The following CDCA2 variants were observed in gnomAD, a reference collection of about 807,000 sequenced individuals.
CDCA2 encodes the protein cell division cycle-associated protein 2.
A neutral mutation model predicts 67.0 loss-of-function variants in CDCA2; 44 were observed. That is an observed-to-expected ratio of 0.66 (90% CI 0.52 to 0.84). The LOEUF (loss-of-function observed/expected upper bound fraction) is 0.84. Among genes scored for constraint, CDCA2 ranks in the 40% least tolerant of loss-of-function variants. The probability of loss-of-function intolerance (pLI) is 0.00; values close to 1 mark genes in which losing one functional copy is unlikely to be tolerated. For synonymous variants in CDCA2, 447 were observed against 418.7 expected (o/e 1.07, Z -0.82); for missense variants, 1,253 against 1,203.2 (o/e 1.04, Z -0.61).
chr8:25,483,892 A>T, intron 9 of CDCA2, 74 bp from the exon 10 acceptor site: 1 of 1,267,042 alleles, frequency 7.9e-7, no homozygotes. Flanking sequence ...ACATTAAAAG[A>T]TTCTAGTATA....
rs757647450 is a variant in CDCA2 at position 25,485,805 on chromosome 8, C to G, written c.1412C>G (p.Pro471Arg). 2.5e-6 allele frequency: 4 copies of G among 1,606,816 alleles called. No homozygotes were observed. In the South Asian group the frequency reaches 4.4e-5, roughly 18 times the overall value. Residue 471 changes from proline to arginine, a missense_variant, in exon 11 of 15, where the codon CCT (proline) becomes CGT (arginine). Coordinates refer to ENST00000330560, the MANE Select transcript of CDCA2 (RefSeq NM_152562.4). ...GTATCATTTGCCGTTCTCAGTTCTC[C>G]TAATAAATCATCAATCTCTGAGACC... ...LQVSFAVLSS[P>R]NKSSISETLS...
intron 13 of CDCA2, among the ~76,000 whole-genome samples, chr8:25,499,772 TC>T (rs1183816657): frequency 6.6e-6 from 1 of 152,144 alleles, no homozygotes; most frequent in East Asian, 1.9e-4. Flanking sequence ...TTAGGGACAA[TC>T]CCTTCAGTTG....
At chr8:25,482,698 G>C (rs188710048) in intron 8 of CDCA2, among the ~76,000 whole-genome samples, 2 of 152,026 alleles carry the variant, frequency 1.3e-5, no homozygotes, top group East Asian at 1.9e-4. Flanking sequence ...GCGAAACCTC[G>C]TCTCTACAAA....
intron 14 of CDCA2, among the ~76,000 whole-genome samples, chr8:25,506,308 C>A (rs906493322): frequency 6.6e-6 from 1 of 152,122 alleles, no homozygotes; most frequent in Non-Finnish European, 1.5e-5. Flanking sequence ...CGTTGAATAC[C>A]TATTTTCTTA....
At position 25,506,439 on chromosome 8, in the gene CDCA2, A is replaced by T. The variant is rs551642011; in HGVS notation, c.1844-71A>T. On this transcript the variant is annotated intron_variant, in intron 14 of 14. Transcript: ENST00000330560. ...CAAAAACAAAACAGGTCACCTGATT[A>T]TTTAATAAATGTAAAGTTCATTCCC... is the stretch of plus-strand genomic sequence containing the variant. 20 of 1,356,766 alleles carry T rather than the reference A, an allele frequency of 1.5e-5. No individual in the cohort carries two copies. The South Asian group carries it at 3.0e-4, about 20-fold the overall frequency. 84.0% of individuals were successfully genotyped at this position (1,356,766 alleles called of 1,614,324 possible). A position where few individuals can be genotyped will look rare whatever the true frequency, so the allele number is the denominator to read the frequency against.
At chr8:25,486,531 G>A (rs541438702) in intron 11 of CDCA2, among the ~76,000 whole-genome samples, 28 of 152,138 alleles carry the variant, frequency 1.8e-4, no homozygotes, top group African/African-American at 5.3e-4. Context: ...TGCCAGGTGC[G>A]GTGGCTCATG....
chr8:25,481,829 T>G (rs1016756004), intron 8 of CDCA2, among the ~76,000 whole-genome samples: 1 of 152,256 alleles, frequency 6.6e-6, no homozygotes, highest in Non-Finnish European at 1.5e-5. Flanking sequence ...ACATGAGCTT[T>G]GTTGTATAAG....
At chr8:25,472,219 CA>C (rs1803183366) in intron 7 of CDCA2, 1 of 151,060 alleles carries the variant, frequency 6.6e-6, no homozygotes. Flanking sequence ...TTTTTTACCT[CA>C]AATGGTTCTG....
intron 13 of CDCA2, among the ~76,000 whole-genome samples, chr8:25,494,480 T>C (rs1174531377): frequency 6.6e-6 from 1 of 152,238 alleles, no homozygotes; most frequent in Non-Finnish European, 1.5e-5. Flanking sequence ...AGTATAATGC[T>C]GTAAAAGGAA....
chr8:25,496,534 T>A (rs1804229546), intron 13 of CDCA2, among the ~76,000 whole-genome samples: 1 of 152,112 alleles, frequency 6.6e-6, no homozygotes, highest in Admixed American at 6.5e-5. Context: ...ATACTGTAAC[T>A]ACAAACCATA....
intron 7 of CDCA2, among the ~76,000 whole-genome samples, chr8:25,473,259 A>G (rs1803228720): frequency 6.6e-6 from 1 of 152,146 alleles, no homozygotes; most frequent in Admixed American, 6.5e-5. Flanking sequence ...TCACCCATTA[A>G]TGGATGCTTT....
chr8:25,466,547 G>T (rs569963814), intron 5 of CDCA2, among the ~76,000 whole-genome samples: 1 of 151,992 alleles, frequency 6.6e-6, no homozygotes, highest in African/African-American at 2.4e-5. Flanking sequence ...CTACATTTCC[G>T]CATGGTTGCA....
chr8:25,475,282 A>C (rs1161915988), intron 7 of CDCA2, among the ~76,000 whole-genome samples: 1 of 152,162 alleles, frequency 6.6e-6, no homozygotes, highest in Non-Finnish European at 1.5e-5. Flanking sequence ...GCACTTCAGG[A>C]GGCCGAGGCA....
chr8:25,468,538 TGTGTGTGTGTGTGTGTGTGC>T (rs1803020188), intron 6 of CDCA2, 125 bp downstream of exon 6: 1 of 504,376 alleles, frequency 2.0e-6, no homozygotes, highest in Non-Finnish European at 3.5e-6. Flanking sequence ...CTGGGGTGTG[TGTGTGTGTGTGTGTGTGTGC>T]GTGTGTGTGT....
At chr8:25,506,377 A>G (rs368698282) in intron 14 of CDCA2, 133 bp from the exon 15 acceptor site, 6 of 715,284 alleles carry the variant, frequency 8.4e-6, no homozygotes, top group African/African-American at 3.7e-5. Context: ...GGGCAAGCAC[A>G]GTGTAACATT....
At chr8:25,482,350 G>A (rs1426203726) in intron 8 of CDCA2, among the ~76,000 whole-genome samples, 1 of 152,052 alleles carries the variant, frequency 6.6e-6, no homozygotes, top group East Asian at 1.9e-4. Context: ...TTTTTTTCTT[G>A]TTTTAATGCA....
Position 25,491,161 on chromosome 8 carries a change from T to C in CDCA2, c.1671+2472T>C, listed in dbSNP as rs1803986094. Among the ~76,000 whole-genome samples, 6 of 152,070 alleles carry C rather than the reference T, an allele frequency of 3.9e-5. No individual in the cohort carries two copies. The South Asian group carries it at 1.2e-3, about 32-fold the overall frequency. On this transcript the variant is annotated intron_variant, in intron 13 of 14. Transcript: ENST00000330560. ...AAGTTAAGGAAAGTCTCCCAGAAGATAGAGCAAAAGAAAGACTGGAAACGA... is the reference window on the plus strand; with the variant it reads ...AAGTTAAGGAAAGTCTCCCAGAAGACAGAGCAAAAGAAAGACTGGAAACGA...
intron 13 of CDCA2, among the ~76,000 whole-genome samples, chr8:25,502,479 C>G (rs73221910): frequency 6.9e-4 from 105 of 151,958 alleles, no homozygotes; most frequent in Non-Finnish European, 1.1e-3. Flanking sequence ...CAATTAATGT[C>G]AGACCTTTGT....
At chr8:25,489,196 T>A (rs1048819869) in intron 13 of CDCA2, among the ~76,000 whole-genome samples, 5 of 152,132 alleles carry the variant, frequency 3.3e-5, no homozygotes, top group African/African-American at 1.2e-4. Flanking sequence ...CCCAGTTCCT[T>A]TTCCTTCTCC....
Sources: allele counts gnomAD v4.1 joint callset (sites outside exome capture counted in the v4.1 genomes callset), GRCh38; gene constraint gnomAD v4.1.1; transcripts MANE v1.5; gene names NCBI Gene and HGNC (gene_info 2026-07-23, HGNC 2026-07-21).